Variants in PPP4R4 observed in about 807,000 individuals in gnomAD.
PPP4R4 encodes protein phosphatase 4 regulatory subunit 4.
PPP4R4 carries 70 observed loss-of-function variants against 121.8 expected under a neutral mutation model. The ratio of observed to expected loss-of-function variants is 0.57; its 90% CI spans 0.47 to 0.70. The LOEUF (loss-of-function observed/expected upper bound fraction) is 0.70, where lower values mean the gene tolerates loss of function less well. Ranked by LOEUF, PPP4R4 falls within the 30% of genes least tolerant of loss-of-function variation. The pLI, the probability that PPP4R4 is intolerant of heterozygous loss-of-function variation, is 0.00. For synonymous variants in PPP4R4, 348 were observed against 355.7 expected (o/e 0.98, Z 0.24); for missense variants, 875 against 1,033.6 (o/e 0.85, Z 2.10).
intron 3 of PPP4R4, among the ~76,000 whole-genome samples, chr14:94,221,586 A>G (rs1323169502): frequency 6.6e-6 from 1 of 152,130 alleles, no homozygotes; most frequent in Non-Finnish European, 1.5e-5. Context: ...AAACATAAGA[A>G]AAGATGTTCA....
At chr14:94,191,934 G>A (rs77836136) in intron 2 of PPP4R4, among the ~76,000 whole-genome samples, 388 of 152,180 alleles carry the variant, frequency 2.5e-3, no homozygotes, top group African/African-American at 9.0e-3. Flanking sequence ...GAAATCATAG[G>A]TTGGAATACT....
chr14:94,278,598 T>A, intron 24 of PPP4R4, 21 bp from the exon 25 acceptor site: 1 of 1,549,214 alleles, frequency 6.5e-7, no homozygotes, highest in Non-Finnish European at 8.9e-7. Context: ...CCTCTCTTCC[T>A]TCATTTCTTT....
chr14:94,174,984 C>A (rs1200066103), intron 1 of PPP4R4, among the ~76,000 whole-genome samples: 2 of 143,676 alleles, frequency 1.4e-5, no homozygotes. Flanking sequence ...CCCCCCCCCC[C>A]CAAAGGAGCT....
chr14:94,179,145 T>C (rs1274293740), intron 2 of PPP4R4, among the ~76,000 whole-genome samples: 2 of 152,216 alleles, frequency 1.3e-5, no homozygotes, highest in Non-Finnish European at 2.9e-5. Context: ...TTCACAGAAT[T>C]GTGCAACCAT....
At chr14:94,245,765 C>A in intron 13 of PPP4R4, 95 bp downstream of exon 13, 2 of 879,530 alleles carry the variant, frequency 2.3e-6, no homozygotes, top group Non-Finnish European at 3.4e-6. Context: ...GTTTGGAAAA[C>A]TTGTAAAATA....
chr14:94,212,418 G>A (rs571857562), intron 3 of PPP4R4, among the ~76,000 whole-genome samples: 1 of 152,208 alleles, frequency 6.6e-6, no homozygotes, highest in African/African-American at 2.4e-5. Context: ...ATAGAATTAA[G>A]CCAATCCATA....
intron 3 of PPP4R4, among the ~76,000 whole-genome samples, chr14:94,212,360 T>C (rs1194054902): frequency 1.3e-5 from 2 of 152,078 alleles, no homozygotes; most frequent in Non-Finnish European, 1.5e-5. Flanking sequence ...CAGATTGAGG[T>C]TGCTGTCTAG....
At chr14:94,203,660 G>A (rs1248428707) in intron 2 of PPP4R4, among the ~76,000 whole-genome samples, 1 of 152,044 alleles carries the variant, frequency 6.6e-6, no homozygotes, top group African/African-American at 2.4e-5. Context: ...GGCTATACCG[G>A]CTTACATTCC....
chr14:94,212,395 G>C (rs961839685), intron 3 of PPP4R4, among the ~76,000 whole-genome samples: 1 of 152,126 alleles, frequency 6.6e-6, no homozygotes, highest in Non-Finnish European at 1.5e-5. Flanking sequence ...AAGAAAAATA[G>C]AAAGTAAGAA....
intron 11 of PPP4R4, among the ~76,000 whole-genome samples, chr14:94,242,906 T>A (rs1290019159): frequency 6.6e-6 from 1 of 152,180 alleles, no homozygotes; most frequent in African/African-American, 2.4e-5. Context: ...TGAATTTAAC[T>A]TTTTAACCCT....
chr14:94,198,927 C>T (rs985904069), intron 2 of PPP4R4, among the ~76,000 whole-genome samples: 29 of 152,186 alleles, frequency 1.9e-4, no homozygotes, highest in Admixed American at 1.8e-3. Flanking sequence ...ACTGTTGTAG[C>T]TCTGTGATAG....
At chr14:94,275,777 A>AT (rs1304727239) in intron 24 of PPP4R4, among the ~76,000 whole-genome samples, 1 of 152,100 alleles carries the variant, frequency 6.6e-6, no homozygotes, top group African/African-American at 2.4e-5. Context: ...TCTGAAATCT[A>AT]TTTTTTTTCT....
chr14:94,263,038 A>T (rs1033637555), intron 19 of PPP4R4, among the ~76,000 whole-genome samples: 1 of 151,988 alleles, frequency 6.6e-6, no homozygotes, highest in Non-Finnish European at 1.5e-5. Flanking sequence ...GACACTTTAA[A>T]TATTTTTTTC....
intron 2 of PPP4R4, among the ~76,000 whole-genome samples, chr14:94,206,157 A>G (rs1409240807): frequency 4.0e-5 from 6 of 151,394 alleles, no homozygotes; most frequent in Non-Finnish European, 1.5e-5. Context: ...AGTTTGTTGT[A>G]TACACACTTA....
intron 22 of PPP4R4, 100 bp downstream of exon 22, chr14:94,265,987 G>T (rs1169889905): frequency 2.2e-6 from 2 of 900,998 alleles, no homozygotes; most frequent in East Asian, 3.0e-5. Context: ...AATTAATTTT[G>T]AGGTTTTTTT....
chr14:94,211,120 A>G (rs1759115982), intron 3 of PPP4R4, among the ~76,000 whole-genome samples: 1 of 152,180 alleles, frequency 6.6e-6, no homozygotes, highest in Non-Finnish European at 1.5e-5. Context: ...ATTCATAAAT[A>G]TTTACTGAGT....
chr14:94,256,541 A>G lies in PPP4R4; in HGVS notation c.1947A>G (p.Glu649=). The G allele has an allele frequency of 1.9e-6, 3 of 1,604,048 alleles. No homozygotes were observed. The highest frequency in any genetic ancestry group is 2.6e-6 in the Non-Finnish European group (3 of 1,171,438). ...ATAAGCATCTACTTCAGCAGTTAGA[A>G]ATGTGTGTGAGGAAACTCCTGTGTC... ...PADKHLLQQL[E]MCVRKLLCQE... The change falls in exon 17 of 25, where the codon GAA becomes GAG. Residue 649 remains glutamate, a synonymous_variant. Transcript: ENST00000304338.
chr14:94,195,797 C>T (rs1595460609), intron 2 of PPP4R4, among the ~76,000 whole-genome samples: 1 of 152,192 alleles, frequency 6.6e-6, no homozygotes, highest in East Asian at 1.9e-4. Context: ...ATGTACTACC[C>T]ATAATGTATC....
intron 23 of PPP4R4, among the ~76,000 whole-genome samples, chr14:94,269,439 G>A (rs1328219147): frequency 6.6e-6 from 1 of 152,056 alleles, no homozygotes; most frequent in East Asian, 1.9e-4. Flanking sequence ...ACCTTGGGAG[G>A]CTGAGGTGGG....
Sources: gnomAD v4.1 joint callset for allele counts (sites outside exome capture counted in the v4.1 genomes callset) on GRCh38, gnomAD v4.1.1 for gene constraint, MANE v1.5 for transcripts, NCBI Gene and HGNC (gene_info 2026-07-23, HGNC 2026-07-21) for gene names.